SCN9A: variants seen among roughly 807,000 people sequenced by gnomAD.
SCN9A encodes the protein sodium voltage-gated channel alpha subunit 9, also known as sodium channel protein type 9 subunit alpha.
Under a neutral mutation model 187.0 loss-of-function variants are expected in SCN9A, and 131 were observed. That is an observed-to-expected ratio of 0.70 (90% confidence interval 0.61 to 0.81). SCN9A has a LOEUF of 0.81. Ranked by LOEUF, SCN9A falls within the 30% of genes least tolerant of loss-of-function variation. SCN9A has a pLI of 0.00. For synonymous variants in SCN9A, 809 were observed against 808.6 expected (o/e 1.00, Z -0.01); for missense variants, 2,252 against 2,396.6 (o/e 0.94, Z 1.26).
intron 7 of SCN9A, among the ~76,000 whole-genome samples, chr2:166,297,995 C>A (rs748017655): frequency 6.6e-6 from 1 of 152,004 alleles, no homozygotes; most frequent in Non-Finnish European, 1.5e-5. Context: ...GGTAATTCTG[C>A]CCTTGCTCAG....
chr2:166,236,100 A>G (rs934925367), intron 20 of SCN9A, among the ~76,000 whole-genome samples: 2 of 152,130 alleles, frequency 1.3e-5, no homozygotes, highest in African/African-American at 2.4e-5. Flanking sequence ...ACAGTTTAAG[A>G]GAAAAGAAAA....
intron 24 of SCN9A, among the ~76,000 whole-genome samples, chr2:166,211,540 T>C (rs1489477719): frequency 6.6e-6 from 1 of 151,752 alleles, no homozygotes; most frequent in African/African-American, 2.4e-5. Flanking sequence ...TTTATAATTC[T>C]AATATAAAAG....
intron 7 of SCN9A, 117 bp from the exon 8 acceptor site, chr2:166,294,779 C>T (rs1559020910): frequency 3.7e-6 from 2 of 536,956 alleles, no homozygotes; most frequent in Non-Finnish European, 3.3e-6. Context: ...TGGTCCCAGG[C>T]AATATGCATC....
intron 17 of SCN9A, among the ~76,000 whole-genome samples, chr2:166,271,225 C>T (rs1488579005): frequency 6.6e-6 from 1 of 151,970 alleles, no homozygotes; most frequent in Admixed American, 6.6e-5. Flanking sequence ...GGACTACATC[C>T]ATTTGGGGAG....
rs761748478 is a variant in SCN9A at position 166,251,840 on chromosome 2, G to C, written c.3397C>G (p.Pro1133Ala). Residue 1133 changes from proline (P) to alanine (A), a missense_variant, in exon 18 of 27, where the codon CCT becomes GCT. By Grantham distance (27) the Pro-to-Ala change is conservative. Transcript: ENST00000642356. ...GCTTCTTCTCCTTCTCCAGGCAAAG[G>C]GTTATCAACTGTGCTGCACTCTGAG... ...SSSECSTVDN[P>A]LPGEGEEAEA... 1 of 1,612,528 alleles carries C rather than the reference G, an allele frequency of 6.2e-7. No homozygotes were observed. The highest frequency in any genetic ancestry group is 8.5e-7 in the Non-Finnish European group (1 of 1,179,072).
At chr2:166,337,138 T>C (rs1408857321) in intron 1 of SCN9A, among the ~76,000 whole-genome samples, 1 of 152,074 alleles carries the variant, frequency 6.6e-6, no homozygotes, top group Non-Finnish European at 1.5e-5. Context: ...TATAGGTATG[T>C]GGTTACATTT....
chr2:166,268,694 T>C (rs779285972), intron 17 of SCN9A, among the ~76,000 whole-genome samples: 1 of 151,996 alleles, frequency 6.6e-6, no homozygotes, highest in Non-Finnish European at 1.5e-5. Flanking sequence ...GTTTTTATAG[T>C]TGACCACAGC....
At chr2:166,312,242 A>G (rs938127046) in intron 1 of SCN9A, among the ~76,000 whole-genome samples, 3 of 152,166 alleles carry the variant, frequency 2.0e-5, no homozygotes, top group African/African-American at 7.2e-5. Context: ...TGTCACTTCA[A>G]CAATGTTCAT....
At chr2:166,330,783 T>C (rs1029197990) in intron 1 of SCN9A, among the ~76,000 whole-genome samples, 2 of 152,164 alleles carry the variant, frequency 1.3e-5, no homozygotes, top group Non-Finnish European at 2.9e-5. Context: ...GAGAGTCTAA[T>C]GCCAAGGCTG....
chr2:166,231,545 T>C (rs1375344508), intron 21 of SCN9A, among the ~76,000 whole-genome samples: 4 of 125,286 alleles, frequency 3.2e-5, no homozygotes, highest in Admixed American at 1.1e-4. Context: ...ATCCAAGAAT[T>C]TGCTTTTTTT....
intron 1 of SCN9A, among the ~76,000 whole-genome samples, chr2:166,333,127 C>T (rs1000865056): frequency 2.0e-5 from 3 of 151,888 alleles, no homozygotes; most frequent in Admixed American, 6.6e-5. Context: ...GATAATTCTT[C>T]CCTACCTCCA....
chr2:166,367,997 CAT>C (rs1700459784), intron 1 of SCN9A, among the ~76,000 whole-genome samples: 1 of 152,214 alleles, frequency 6.6e-6, no homozygotes, highest in African/African-American at 2.4e-5. Context: ...AAGGGTTAAA[CAT>C]ATTTGATAGA....
Position 166,227,682 on chromosome 2 carries a change from C to A in SCN9A, c.4248G>T (p.Val1416=). The change falls in exon 23 of 27, where the codon GTG becomes GTT. Residue 1416 remains valine, a synonymous_variant. Coordinates refer to ENST00000642356, the MANE Select transcript of SCN9A (RefSeq NM_001365536.1). ...KGWTIIMYAA[V]DSVNVDKQPK... is the part of the protein sequence containing the mutation. Reference sequence around the variant, plus strand: ...AATCAATACTTACATTAACAGAATCCACTGCTGCATACATAATAATCGTCC... The same window carrying A: ...AATCAATACTTACATTAACAGAATCAACTGCTGCATACATAATAATCGTCC... 1 of 1,519,688 alleles carries A rather than the reference C, an allele frequency of 6.6e-7. No individual in the cohort carries two copies. The highest frequency in any genetic ancestry group is 9.0e-7 in the Non-Finnish European group (1 of 1,114,810). 94.1% of individuals were successfully genotyped at this position (1,519,688 alleles called of 1,614,324 possible). A position where few individuals can be genotyped will look rare whatever the true frequency, so the allele number is the denominator to read the frequency against.
intron 1 of SCN9A, among the ~76,000 whole-genome samples, chr2:166,314,865 T>C (rs1416389214): frequency 1.3e-5 from 2 of 152,166 alleles, no homozygotes; most frequent in African/African-American, 4.8e-5. Context: ...TTTGGGGTGA[T>C]AAAAATATTC....
chr2:166,329,025 AT>A (rs1427211143), intron 1 of SCN9A, among the ~76,000 whole-genome samples: 1 of 152,080 alleles, frequency 6.6e-6, no homozygotes, highest in African/African-American at 2.4e-5. Context: ...TATAAAAATT[AT>A]TTTTTTACAA....
At chr2:166,355,916 G>A (rs1231218162) in intron 1 of SCN9A, among the ~76,000 whole-genome samples, 1 of 151,936 alleles carries the variant, frequency 6.6e-6, no homozygotes, top group Non-Finnish European at 1.5e-5. Context: ...GGGACTATAG[G>A]TGCCTGCCAC....
At chr2:166,289,365 G>A (rs1697935311) in intron 9 of SCN9A, among the ~76,000 whole-genome samples, 1 of 151,776 alleles carries the variant, frequency 6.6e-6, no homozygotes, top group Admixed American at 6.6e-5. Context: ...GCCCCAGTGT[G>A]TGATGATCTT....
intron 1 of SCN9A, among the ~76,000 whole-genome samples, chr2:166,317,259 C>T (rs1699131929): frequency 6.6e-6 from 1 of 151,432 alleles, no homozygotes; most frequent in Admixed American, 6.6e-5. Context: ...ATTATTTGAC[C>T]TAATTTTATA....
chr2:166,304,532 T>C (rs1194118896), intron 5 of SCN9A, among the ~76,000 whole-genome samples: 1 of 152,136 alleles, frequency 6.6e-6, no homozygotes, highest in Non-Finnish European at 1.5e-5. Context: ...TATTATATAT[T>C]ATTAAATTGG....
Sources: allele counts gnomAD v4.1 joint callset (sites outside exome capture counted in the v4.1 genomes callset), GRCh38; gene constraint gnomAD v4.1.1; transcripts MANE v1.5; gene names NCBI Gene and HGNC (gene_info 2026-07-23, HGNC 2026-07-21).